The following USP40 variants were observed in gnomAD, a reference collection of about 807,000 sequenced individuals.
USP40 encodes ubiquitin carboxyl-terminal hydrolase 40.
USP40 carries 143 observed loss-of-function variants against 166.2 expected under a neutral mutation model. The observed-to-expected ratio is 0.86, with a 90% CI of 0.75 to 0.99. USP40 has a LOEUF of 0.99. USP40 is among the 50% of genes least tolerant of loss of function. The probability of loss-of-function intolerance (pLI) is 0.00; values close to 1 mark genes in which losing one functional copy is unlikely to be tolerated. For missense variants in USP40, 1,444 were observed against 1,479.7 expected (o/e 0.98, Z 0.40); for synonymous variants, 498 against 524.0 (o/e 0.95, Z 0.68).
At chr2:233,541,182 G>T (rs1459237968) in intron 9 of USP40, among the ~76,000 whole-genome samples, 1 of 152,150 alleles carries the variant, frequency 6.6e-6, no homozygotes, top group African/African-American at 2.4e-5. Context: ...TCTAAAAGGG[G>T]GTGAGATGTA....
chr2:233,476,014 T>G lies in USP40; in HGVS notation c.*1378A>C, dbSNP rs2064168812. 1 of 152,352 alleles carries G rather than the reference T, an allele frequency of 6.6e-6. No individual in the cohort carries two copies. Among genetic ancestry groups the G allele is most frequent in the Non-Finnish European group, 1.5e-5 (1 of 68,090 alleles). The allele number at this position is 152,352 out of a possible 1,614,324, so 9.4% of individuals were successfully genotyped here. Reference sequence around the variant, plus strand: ...CAGCTGCTAGTCAGAGTTGGGTCCTTAGGGCGCAGTGCTTCACGGAAACGC... The same window carrying G: ...CAGCTGCTAGTCAGAGTTGGGTCCTGAGGGCGCAGTGCTTCACGGAAACGC... On this transcript the variant is annotated 3_prime_UTR_variant, in exon 32 of 32. Coordinates refer to ENST00000678225, the MANE Select transcript of USP40 (RefSeq NM_001365479.2).
At chr2:233,489,537 CA>C in intron 26 of USP40, 54 bp from the exon 27 acceptor site, 1 of 1,417,954 alleles carries the variant, frequency 7.1e-7, no homozygotes. Flanking sequence ...CTCTTCAAAA[CA>C]TACTGTTTTA....
chr2:233,505,336 G>C (rs2066346143), intron 21 of USP40, among the ~76,000 whole-genome samples: 1 of 151,904 alleles, frequency 6.6e-6, no homozygotes. Context: ...GAATAATAAA[G>C]CTCAGAGCAG....
chr2:233,487,304 T>C (rs2065007695), intron 28 of USP40, among the ~76,000 whole-genome samples: 1 of 152,232 alleles, frequency 6.6e-6, no homozygotes, highest in African/African-American at 2.4e-5. Flanking sequence ...CATTTATCAA[T>C]TTAGGAAATA....
intron 5 of USP40, 28 bp downstream of exon 5, chr2:233,556,827 T>G: frequency 6.3e-7 from 1 of 1,588,842 alleles, no homozygotes; most frequent in Non-Finnish European, 8.6e-7. Flanking sequence ...CAACATAACT[T>G]ATTACTAAAA....
chr2:233,498,482 T>C (rs1428261851), intron 23 of USP40, 66 bp downstream of exon 23: 1 of 1,424,238 alleles, frequency 7.0e-7, no homozygotes, highest in Non-Finnish European at 9.8e-7. Context: ...GTGGAATGGG[T>C]ACCTTGTACG....
chr2:233,556,829 T>C lies in USP40; in HGVS notation c.546+26A>G, dbSNP rs757081395. On this transcript the variant is annotated intron_variant, in intron 5 of 31. Transcript: ENST00000678225. ...GGATTATAATTTACAACATAACTTATTACTAAAATACTCTGGCATATTTAC... is the reference window on the plus strand; with the variant it reads ...GGATTATAATTTACAACATAACTTACTACTAAAATACTCTGGCATATTTAC... 3.1e-6 allele frequency: 5 copies of C among 1,590,596 alleles called. No homozygotes were observed. In the Admixed American group the frequency reaches 8.9e-5, roughly 28 times the overall value.
At chr2:233,495,310 G>A (rs1336833302) in intron 24 of USP40, among the ~76,000 whole-genome samples, 1 of 151,620 alleles carries the variant, frequency 6.6e-6, no homozygotes, top group African/African-American at 2.4e-5. Context: ...ATTGAACTAT[G>A]TATTTAAAAT....
chr2:233,546,152 A>T lies in USP40; in HGVS notation c.966+2949T>A, dbSNP rs529021580. ...CAGTGCAGAGACTGAAGCCACATGA[A>T]GGAATGCCTGCCTGCCCTTTGAGTC... is the stretch of plus-strand genomic sequence containing the variant. On this transcript the variant is annotated intron_variant, in intron 8 of 31. Coordinates refer to ENST00000678225, the MANE Select transcript of USP40 (RefSeq NM_001365479.2). The T allele has an allele frequency of 2.0e-5, 3 of 152,362 alleles. No individual in the cohort carries two copies. The South Asian group carries it at 6.2e-4, about 32-fold the overall frequency. 9.4% of individuals were successfully genotyped at this position (152,362 alleles called of 1,614,324 possible). A position where few individuals can be genotyped will look rare whatever the true frequency, so the allele number is the denominator to read the frequency against.
chr2:233,512,156 G>A (rs2066884601), intron 19 of USP40: 4 of 194,768 alleles, frequency 2.1e-5, no homozygotes, highest in South Asian at 1.4e-4. Flanking sequence ...TTAAAGTTGA[G>A]ATTGTTATTA....
intron 13 of USP40, among the ~76,000 whole-genome samples, chr2:233,525,793 C>T (rs1203343793): frequency 1.3e-5 from 2 of 152,152 alleles, no homozygotes; most frequent in African/African-American, 2.4e-5. Flanking sequence ...CTGGCCTACA[C>T]AAAGGGCACA....
intron 23 of USP40, among the ~76,000 whole-genome samples, chr2:233,497,171 C>T (rs776572363): frequency 3.3e-5 from 5 of 151,678 alleles, no homozygotes; most frequent in African/African-American, 7.3e-5. Flanking sequence ...GAATTTCTCA[C>T]GAAAAAAAGG....
intron 30 of USP40, among the ~76,000 whole-genome samples, chr2:233,483,347 C>T (rs749836706): frequency 5.8e-4 from 89 of 152,160 alleles, no homozygotes; most frequent in Non-Finnish European, 3.2e-4. Flanking sequence ...AAAAATTAGC[C>T]GGGCATAATG....
intron 26 of USP40, among the ~76,000 whole-genome samples, chr2:233,490,207 A>C (rs1575224280): frequency 8.4e-6 from 1 of 119,322 alleles, no homozygotes; most frequent in Admixed American, 1.1e-4. Flanking sequence ...TCTGTCACCC[A>C]GCCTGAAGTG....
At chr2:233,562,691 T>C (rs1398807786) in intron 3 of USP40, 45 bp downstream of exon 3, 3 of 1,364,518 alleles carry the variant, frequency 2.2e-6, no homozygotes, top group African/African-American at 3.0e-5. Flanking sequence ...ATTGTGCACA[T>C]GTACCCTAAA....
rs1032495333 is a variant in USP40 at position 233,533,411 on chromosome 2, A to G, written c.1471+68T>C. 1.4e-5 allele frequency: 21 copies of G among 1,471,108 alleles called. 1 individual carries two copies. In the African/African-American group the frequency reaches 2.7e-4, roughly 19 times the overall value. 91.1% of individuals were successfully genotyped at this position (1,471,108 alleles called of 1,614,324 possible). ...CTTTTTTTAAAAGAATAAAAATTCAAACAGCATTCCATGTTTATCTTCTAA... is the reference window on the plus strand; with the variant it reads ...CTTTTTTTAAAAGAATAAAAATTCAGACAGCATTCCATGTTTATCTTCTAA... On this transcript the variant is annotated intron_variant, in intron 11 of 31. Coordinates refer to ENST00000678225, the MANE Select transcript of USP40 (RefSeq NM_001365479.2).
rs73123133 is a variant in USP40, at chr2:233,548,986, T to C, written c.966+115A>G. On this transcript the variant is annotated intron_variant, in intron 8 of 31. Transcript: ENST00000678225. ...TATCTGTATTAACTTTCAGTGCCTA[T>C]CAAAGTTTTCTATAGAGTGGATATA... 3,177 of 1,020,064 alleles carry C rather than the reference T, an allele frequency of 3.1e-3. 74 individuals are homozygous for C. In the African/African-American group the frequency reaches 0.045, roughly 14 times the overall value. 63.2% of individuals were successfully genotyped at this position (1,020,064 alleles called of 1,614,324 possible).
Position 233,556,882 on chromosome 2 carries a change from T to G in USP40, c.519A>C (p.Lys173Asn), listed in dbSNP as rs777157381. Residue 173 changes from lysine (K) to asparagine (N), a missense_variant, in exon 5 of 32, where the codon AAA (lysine) becomes AAC (asparagine). Transcript: ENST00000678225. ...HGTIVNQIVC[K>N]ECKNVSERQE... Reference sequence around the variant, plus strand: ...GCCTCTCGCTAACGTTCTTACATTCTTTACAAACAATCTGGTTAACAATGG... The same window carrying G: ...GCCTCTCGCTAACGTTCTTACATTCGTTACAAACAATCTGGTTAACAATGG... The G allele has an allele frequency of 1.9e-6, 3 of 1,612,352 alleles. No individual in the cohort carries two copies. The highest frequency in any genetic ancestry group is 1.1e-5 in the South Asian group (1 of 90,360).
intron 3 of USP40, among the ~76,000 whole-genome samples, chr2:233,560,296 C>A (rs889232458): frequency 2.0e-5 from 3 of 152,158 alleles, no homozygotes; most frequent in African/African-American, 7.2e-5. Context: ...ATTTTCCAGG[C>A]ACAATACTGT....
Sources: allele counts gnomAD v4.1 joint callset (sites outside exome capture counted in the v4.1 genomes callset), GRCh38; gene constraint gnomAD v4.1.1; transcripts MANE v1.5; gene names NCBI Gene and HGNC (gene_info 2026-07-23, HGNC 2026-07-21).